Variants in PARG observed in about 807,000 individuals in gnomAD.
The protein encoded by PARG is poly(ADP-ribose) glycohydrolase.
PARG carries 35 observed loss-of-function variants against 113.0 expected under a neutral mutation model. The ratio of observed to expected loss-of-function variants is 0.31; its 90% confidence interval spans 0.24 to 0.41. The LOEUF is 0.41. Ranked by LOEUF, PARG falls within the 10% of genes least tolerant of loss-of-function variation. The pLI is 1.00. For synonymous variants in PARG, 330 were observed against 409.9 expected (o/e 0.81, Z 2.36); for missense variants, 797 against 1,169.4 (o/e 0.68, Z 4.64).
intron 6 of PARG, 54 bp from the exon 7 acceptor site, chr10:49,916,045 T>C: frequency 1.1e-6 from 1 of 905,826 alleles, no homozygotes; most frequent in South Asian, 1.4e-5. Flanking sequence ...GTGAATGACC[T>C]ATGAAGAGCC....
chr10:49,904,542 G>A (rs574630842), intron 7 of PARG, among the ~76,000 whole-genome samples: 4 of 152,086 alleles, frequency 2.6e-5, no homozygotes, highest in African/African-American at 7.2e-5. Flanking sequence ...TTGATAATGG[G>A]GGAGGGTGTG....
chr10:49,835,398 A>G (rs1844865625), intron 15 of PARG, among the ~76,000 whole-genome samples: 1 of 152,122 alleles, frequency 6.6e-6, no homozygotes, highest in African/African-American at 2.4e-5. Context: ...CAGAAGGGGG[A>G]AAAGAAAAAG....
chr10:49,823,317 AG>A (rs1306011263), intron 16 of PARG, among the ~76,000 whole-genome samples: 3 of 152,172 alleles, frequency 2.0e-5, no homozygotes, highest in Admixed American at 1.3e-4. Context: ...AAAATTACAT[AG>A]GAAGAAAAAA....
chr10:49,856,345 A>C (rs1226914313), intron 13 of PARG, among the ~76,000 whole-genome samples: 3 of 151,566 alleles, frequency 2.0e-5, no homozygotes, highest in Non-Finnish European at 4.4e-5. Flanking sequence ...GTGCCTGGCT[A>C]ATTTTTGTAT....
At chr10:49,920,771 A>T (rs1275825486) in intron 6 of PARG, among the ~76,000 whole-genome samples, 1 of 151,922 alleles carries the variant, frequency 6.6e-6, no homozygotes, top group Non-Finnish European at 1.5e-5. Flanking sequence ...TGCTTTTTGT[A>T]GCTGTGAGCC....
intron 10 of PARG, among the ~76,000 whole-genome samples, chr10:49,868,011 A>C (rs1337077003): frequency 6.6e-6 from 1 of 152,180 alleles, no homozygotes; most frequent in Non-Finnish European, 1.5e-5. Context: ...TTTTTTAGAC[A>C]GAGTCTTGCT....
intron 1 of PARG, among the ~76,000 whole-genome samples, chr10:49,939,777 T>A (rs1838931274): frequency 6.6e-6 from 1 of 152,240 alleles, no homozygotes; most frequent in Non-Finnish European, 1.5e-5. Context: ...TCTTGATTTA[T>A]ACAGCAAATC....
At chr10:49,928,763 C>T (rs1173577741) in intron 4 of PARG, among the ~76,000 whole-genome samples, 1 of 152,188 alleles carries the variant, frequency 6.6e-6, no homozygotes, top group Non-Finnish European at 1.5e-5. Context: ...CCTTGGCGTC[C>T]TAAAGTGCTG....
At chr10:49,911,907 C>T (rs1227671492) in intron 7 of PARG, among the ~76,000 whole-genome samples, 4 of 152,222 alleles carry the variant, frequency 2.6e-5, no homozygotes, top group African/African-American at 9.6e-5. Flanking sequence ...TCAAAATAAA[C>T]GTAACTGCAA....
At chr10:49,845,605 T>A (rs1845467442) in intron 13 of PARG, among the ~76,000 whole-genome samples, 1 of 152,052 alleles carries the variant, frequency 6.6e-6, no homozygotes, top group South Asian at 2.1e-4. Context: ...ATGCAAATTG[T>A]ATTGAATGTG....
chr10:49,927,516 A>G (rs568255538), intron 4 of PARG, among the ~76,000 whole-genome samples: 1 of 152,114 alleles, frequency 6.6e-6, no homozygotes, highest in African/African-American at 2.4e-5. Flanking sequence ...GGACCTATGA[A>G]AAAGGCTTGA....
intron 6 of PARG, among the ~76,000 whole-genome samples, chr10:49,921,526 TG>T (rs1837870918): frequency 6.6e-6 from 1 of 151,894 alleles, no homozygotes; most frequent in Non-Finnish European, 1.5e-5. Context: ...ATGTTTTCCA[TG>T]TAAAGAAAAA....
At chr10:49,819,515 C>A (rs975581359) in intron 17 of PARG, 21 bp from the exon 18 acceptor site, 3 of 1,538,588 alleles carry the variant, frequency 1.9e-6, no homozygotes, top group Admixed American at 4.0e-5. Context: ...AAAGGTCAGA[C>A]CAGAGGCACA....
intron 2 of PARG, 63 bp from the exon 3 acceptor site, chr10:49,934,226 T>C (rs1838633805): frequency 4.2e-6 from 3 of 712,462 alleles, no homozygotes; most frequent in East Asian, 2.7e-5. Context: ...TATCCAATCA[T>C]ACCCCCAGTG....
At chr10:49,850,138 T>C (rs559425522) in intron 13 of PARG, among the ~76,000 whole-genome samples, 81 of 140,046 alleles carry the variant, frequency 5.8e-4, no homozygotes, top group Middle Eastern at 3.5e-3. Context: ...GAAATTTAAC[T>C]GATGATTAAA....
At chr10:49,819,735 G>C (rs780743401) in intron 17 of PARG, among the ~76,000 whole-genome samples, 9 of 152,104 alleles carry the variant, frequency 5.9e-5, no homozygotes, top group Non-Finnish European at 1.0e-4. Flanking sequence ...ATGGTACACT[G>C]TCCATGCACC....
chr10:49,920,469 T>A (rs1163426475), intron 6 of PARG, among the ~76,000 whole-genome samples: 6,609 of 64,812 alleles, frequency 0.1, 639 homozygotes, highest in African/African-American at 0.25. Flanking sequence ...AAAAAATATA[T>A]ATATATATAT....
At chr10:49,935,512 C>T in intron 1 of PARG, among the ~76,000 whole-genome samples, 1 of 152,178 alleles carries the variant, frequency 6.6e-6, no homozygotes, top group Non-Finnish European at 1.5e-5. Context: ...TGAGATAAGG[C>T]TTAATTAAGT....
intron 7 of PARG, among the ~76,000 whole-genome samples, chr10:49,904,345 C>T (rs1165241889): frequency 6.7e-6 from 1 of 150,362 alleles, no homozygotes; most frequent in African/African-American, 2.4e-5. Flanking sequence ...ATATAACCTG[C>T]ATTAAGTGGT....
Sources: gnomAD v4.1 joint callset for allele counts (sites outside exome capture counted in the v4.1 genomes callset) on GRCh38, gnomAD v4.1.1 for gene constraint, MANE v1.5 for transcripts, NCBI Gene and HGNC (gene_info 2026-07-23, HGNC 2026-07-21) for gene names.